HDAC2: variants seen among roughly 807,000 people sequenced by gnomAD.
HDAC2 encodes the protein YY1-associated factor 1.
Under a neutral mutation model 68.5 loss-of-function variants are expected in HDAC2, and 5 were observed. The observed-to-expected ratio is 0.07, with a 90% CI of 0.04 to 0.15. HDAC2 has a LOEUF of 0.15. HDAC2 is among the 10% of genes least tolerant of loss of function. The probability of loss-of-function intolerance (pLI) is 1.00; values close to 1 mark genes in which losing one functional copy is unlikely to be tolerated. For missense variants in HDAC2, 291 were observed against 600.8 expected (o/e 0.48, Z 5.39); for synonymous variants, 182 against 191.3 (o/e 0.95, Z 0.40).
intron 1 of HDAC2, among the ~76,000 whole-genome samples, chr6:113,966,620 C>T (rs79732632): frequency 0.043 from 6,352 of 149,120 alleles, 235 homozygotes; most frequent in Non-Finnish European, 0.058. Flanking sequence ...AAAAAAGCTA[C>T]GTTTTTAAAT....
In HDAC2 at chr6:113,946,002, A is replaced by C. The variant is rs1164544855; in HGVS notation, c.982+6T>G. The C allele has an allele frequency of 5.6e-6, 9 of 1,607,116 alleles. No individual in the cohort carries two copies. In the African/African-American group the frequency reaches 9.4e-5, roughly 17 times the overall value. On this transcript the variant is annotated splice_donor_region_variant and intron_variant, in intron 9 of 13. Transcript: ENST00000519065. ...ACAATAAAGATATTGTAATGAGAAC[A>C]CTTACCATTGGGAATCTCACAATCA...
In HDAC2 at chr6:113,936,435, G is replaced by A. The variant is rs1775999446; in HGVS notation, c.*4623C>T. 6.6e-6 allele frequency: 1 copy of A among 152,048 alleles called. No homozygotes were observed. The allele number at this position is 152,048 out of a possible 1,614,324, so 9.4% of individuals were successfully genotyped here. On this transcript the variant is annotated 3_prime_UTR_variant, in exon 14 of 14. Coordinates refer to ENST00000519065, the MANE Select transcript of HDAC2 (RefSeq NM_001527.4). ...CTATTTTTTCTGTAATCTACTTAAT[G>A]CCATTTTTCTTGAGATTATCCTTGA...
In HDAC2 at chr6:113,970,945, CCTGCTGCTGCTGCTG is replaced by C. The variant is rs528988883; in HGVS notation, c.-52_-38del. Reference sequence around the variant, plus strand: ...CCACCGCCGCCACCGGGCTCCTCCTCCTGCTGCTGCTGCTGCTGCTGCTGCCGCCGCGGCTCGGCC... The same window carrying C: ...CCACCGCCGCCACCGGGCTCCTCCTCCTGCTGCTGCCGCCGCGGCTCGGCC... On this transcript the variant is annotated 5_prime_UTR_variant, in exon 1 of 14. Coordinates refer to ENST00000519065, the MANE Select transcript of HDAC2 (RefSeq NM_001527.4). 17 of 1,544,136 alleles carry C rather than the reference CCTGCTGCTGCTGCTG, an allele frequency of 1.1e-5. No individual in the cohort carries two copies. Among genetic ancestry groups the C allele is most frequent in the Non-Finnish European group, 1.4e-5 (16 of 1,142,736 alleles).
chr6:113,956,272 C>T, intron 4 of HDAC2, 121 bp from the exon 5 acceptor site: 2 of 809,882 alleles, frequency 2.5e-6, no homozygotes, highest in Non-Finnish European at 3.9e-6. Flanking sequence ...TGAAAGTTAA[C>T]AGAAATCATC....
intron 1 of HDAC2, among the ~76,000 whole-genome samples, chr6:113,961,365 T>C (rs1277286137): frequency 6.6e-6 from 1 of 152,166 alleles, no homozygotes; most frequent in East Asian, 1.9e-4. Context: ...ATAACATAAA[T>C]ACTTGATTTT....
At chr6:113,950,990 A>G (rs773184547) in intron 6 of HDAC2, among the ~76,000 whole-genome samples, 1 of 152,240 alleles carries the variant, frequency 6.6e-6, no homozygotes, top group East Asian at 1.9e-4. Context: ...TGGAAAAGCC[A>G]AAGTATTGTG....
At chr6:113,951,127 G>A (rs1225266692) in intron 6 of HDAC2, among the ~76,000 whole-genome samples, 2 of 152,174 alleles carry the variant, frequency 1.3e-5, no homozygotes, top group African/African-American at 4.8e-5. Context: ...TGGCAACTCA[G>A]AGCTGCTGCC....
Position 113,947,361 on chromosome 6 carries a change from G to A in HDAC2, c.842-1213C>T, listed in dbSNP as rs550856827. On this transcript the variant is annotated intron_variant, in intron 8 of 13. Coordinates refer to ENST00000519065, the MANE Select transcript of HDAC2 (RefSeq NM_001527.4). The stretch of plus-strand genomic sequence containing the variant: ...CTGATGGCAGCAAGGAGATGGAAAA[G>A]AGATAACTAACTTCAGCAGATCTGA... 10 of 152,260 alleles carry A rather than the reference G, an allele frequency of 6.6e-5. No homozygotes were observed. In the East Asian group the frequency reaches 1.7e-3, roughly 26 times the overall value. The allele number at this position is 152,260 out of a possible 1,614,324, so 9.4% of individuals were successfully genotyped here.
chr6:113,948,643 C>G, intron 8 of HDAC2: 1 of 204,918 alleles, frequency 4.9e-6, no homozygotes, highest in East Asian at 1.3e-4. Context: ...GAGAGCTAAA[C>G]CCTCTTCTTC....
chr6:113,943,194 G>A (rs1298727335), intron 12 of HDAC2, among the ~76,000 whole-genome samples, 157 bp downstream of exon 12: 7 of 152,006 alleles, frequency 4.6e-5, no homozygotes. Flanking sequence ...AGCTTTAAGA[G>A]CTAAGTACCA....
intron 11 of HDAC2, 41 bp downstream of exon 11, chr6:113,944,239 T>G (rs772496066): frequency 3.2e-6 from 5 of 1,553,670 alleles, no homozygotes; most frequent in South Asian, 1.1e-5. Context: ...CCATTTCAAT[T>G]ATCATTTTGA....
chr6:113,946,223 A>G (rs143395925), intron 8 of HDAC2, 75 bp from the exon 9 acceptor site: 43 of 1,233,042 alleles, frequency 3.5e-5, no homozygotes, highest in African/African-American at 3.0e-4. Flanking sequence ...TAAAAAGATA[A>G]TAAGTGCAAA....
At position 113,955,455 on chromosome 6, in the gene HDAC2, C is replaced by A. The variant is rs140105354; in HGVS notation, c.497+558G>T. On this transcript the variant is annotated intron_variant, in intron 5 of 13. Transcript: ENST00000519065. ...CTCAAACCCCTGACCTCATAATCCA[C>A]CCACCTCGTCCTCCCAAAGTGCTGG... Among the ~76,000 whole-genome samples the A allele has an allele frequency of 2.1e-3, 322 of 152,288 alleles. 9 individuals carry two copies. In the East Asian group the frequency reaches 0.054, roughly 25 times the overall value.
At chr6:113,945,325 A>T (rs1180735943) in intron 10 of HDAC2, 37 bp downstream of exon 10, 1 of 980,046 alleles carries the variant, frequency 1.0e-6, no homozygotes, top group African/African-American at 1.6e-5. Context: ...CTTTGTCAAG[A>T]TAAAATGTTT....
intron 1 of HDAC2, chr6:113,962,239 A>G (rs749480902): frequency 5.1e-4 from 79 of 154,284 alleles, no homozygotes; most frequent in Non-Finnish European, 9.4e-4. Flanking sequence ...GATGAGAAAC[A>G]GACAAGTCAG....
chr6:113,944,172 T>C, intron 11 of HDAC2, 108 bp downstream of exon 11: 1 of 972,018 alleles, frequency 1.0e-6, no homozygotes, highest in Non-Finnish European at 1.6e-6. Flanking sequence ...ATGACAATAT[T>C]AACAGTGTGC....
intron 1 of HDAC2, among the ~76,000 whole-genome samples, chr6:113,962,549 T>C (rs914136696): frequency 2.6e-5 from 4 of 152,212 alleles, no homozygotes; most frequent in African/African-American, 7.2e-5. Flanking sequence ...CGAATACGCA[T>C]AGCTTTCAAC....
chr6:113,962,349 A>G, intron 1 of HDAC2: 1 of 879,560 alleles, frequency 1.1e-6, no homozygotes, highest in Non-Finnish European at 1.4e-6. Context: ...AACAACAGGG[A>G]ATGTCAAGGA....
At chr6:113,941,840 CTTTA>C (rs1776142921) in intron 12 of HDAC2, 75 bp from the exon 13 acceptor site, 4 of 428,634 alleles carry the variant, frequency 9.3e-6, no homozygotes, top group Non-Finnish European at 1.2e-5. Flanking sequence ...TCAAAATATA[CTTTA>C]TTTTTAAAAT....
Sources: allele counts gnomAD v4.1 joint callset (sites outside exome capture counted in the v4.1 genomes callset), GRCh38; gene constraint gnomAD v4.1.1; transcripts MANE v1.5; gene names NCBI Gene and HGNC (gene_info 2026-07-23, HGNC 2026-07-21).